Variants in SLC22A9 observed in about 807,000 individuals in gnomAD.
SLC22A9 encodes the protein organic anion transporter 7.
SLC22A9 carries 64 observed loss-of-function variants against 50.1 expected under a neutral mutation model. The observed-to-expected ratio is 1.28, with a 90% CI of 1.04 to 1.57. The LOEUF is 1.57. SLC22A9 is among the 40% of genes most tolerant of loss of function. SLC22A9 has a pLI of 0.00. For missense variants in SLC22A9, 757 were observed against 676.1 expected, an observed-to-expected ratio of 1.12 and a Z score of -1.33; for synonymous variants, 261 against 242.5, an observed-to-expected ratio of 1.08 and a Z score of -0.71.
chr11:63,383,841 G>A (rs1028835259), intron 6 of SLC22A9, among the ~76,000 whole-genome samples: 2 of 152,158 alleles, frequency 1.3e-5, no homozygotes, highest in African/African-American at 4.8e-5. Context: ...ACGAGGTCAA[G>A]AGATAGAGAT....
chr11:63,381,264 T>C (rs4963405), intron 5 of SLC22A9, among the ~76,000 whole-genome samples: 72,269 of 151,890 alleles, frequency 0.48, 18,594 homozygotes, highest in Non-Finnish European at 0.58. Flanking sequence ...CCAGATCACA[T>C]ATAACCCAGA....
At position 63,382,210 on chromosome 11, in the gene SLC22A9, C is replaced by A. The variant is rs764440212; in HGVS notation, c.1006C>A (p.Pro336Thr). 6 of 1,606,336 alleles carry A rather than the reference C, an allele frequency of 3.7e-6. No individual in the cohort carries two copies. In the Admixed American group the frequency reaches 5.1e-5, roughly 14 times the overall value. ...ACTGGAGGCAGCACAAAAAAAAAAACCTTCTCTGTGTGAAATGCTCCACAT... is the reference window on the plus strand; with the variant it reads ...ACTGGAGGCAGCACAAAAAAAAAAAACTTCTCTGTGTGAAATGCTCCACAT... Reference protein sequence around the residue: ...KELEAAQKKKPSLCEMLHMPN... With the variant: ...KELEAAQKKKTSLCEMLHMPN... The change falls in exon 6 of 10, where the codon CCT becomes ACT. Residue 336 changes from proline to threonine, a missense_variant. By Grantham distance (38) the Pro-to-Thr change is conservative (BLOSUM62 -1). Transcript: ENST00000279178.
At chr11:63,392,508 T>G (rs1375594390) in intron 6 of SLC22A9, among the ~76,000 whole-genome samples, 1 of 151,854 alleles carries the variant, frequency 6.6e-6, no homozygotes, top group African/African-American at 2.4e-5. Flanking sequence ...GATAAAAGGT[T>G]TTTTTTTCCC....
At chr11:63,375,110 A>G (rs918272468) in intron 4 of SLC22A9, among the ~76,000 whole-genome samples, 2 of 152,170 alleles carry the variant, frequency 1.3e-5, no homozygotes, top group South Asian at 2.1e-4. Flanking sequence ...TCTTATCTCC[A>G]TAACAGCCCT....
intron 9 of SLC22A9, among the ~76,000 whole-genome samples, chr11:63,409,209 A>G (rs1435324363): frequency 2.6e-5 from 4 of 152,128 alleles, no homozygotes; most frequent in African/African-American, 4.8e-5. Context: ...ATATGCAGAG[A>G]TCCAAACACC....
rs998884005 is a variant in SLC22A9, at chr11:63,399,888, A to T, written c.1074-6609A>T. Among the ~76,000 whole-genome samples the T allele has an allele frequency of 2.0e-5, 3 of 152,106 alleles. No individual in the cohort carries two copies. The East Asian group carries it at 5.8e-4, about 29-fold the overall frequency. Reference sequence around the variant, plus strand: ...TAAAACAATAACAAAAGGAACTTTGAAAAATATACAAATACCTGAAAATTA... The same window carrying T: ...TAAAACAATAACAAAAGGAACTTTGTAAAATATACAAATACCTGAAAATTA... On this transcript the variant is annotated intron_variant, in intron 6 of 9. Transcript: ENST00000279178.
chr11:63,407,797 G>T (rs4963408), intron 7 of SLC22A9, among the ~76,000 whole-genome samples: 2 of 152,162 alleles, frequency 1.3e-5, no homozygotes, highest in Non-Finnish European at 2.9e-5. Flanking sequence ...AGGCAGAGGA[G>T]TCCCTGGACG....
chr11:63,408,358 C>A (rs921302591), intron 8 of SLC22A9, 138 bp downstream of exon 8: 10 of 737,058 alleles, frequency 1.4e-5, no homozygotes, highest in South Asian at 1.8e-5. Flanking sequence ...TAATTATAGA[C>A]CAACTTTATC....
chr11:63,408,823 C>T lies in SLC22A9; in HGVS notation c.1545C>T (p.Leu515=). ...TCATCTCTGGCTTTGCTTTCCTCCT[C>T]CTTCCTGAAACCAGGAACAAGCCTC... ...FPFISGFAFL[L]LPETRNKPLF... The change falls in exon 9 of 10, where the codon CTC becomes CTT. Residue 515 remains leucine, a synonymous_variant. Transcript: ENST00000279178. The T allele has an allele frequency of 6.2e-7, 1 of 1,614,020 alleles. No individual in the cohort carries two copies. The highest frequency in any genetic ancestry group is 8.5e-7 in the Non-Finnish European group (1 of 1,179,924).
chr11:63,385,613 G>T (rs2014651374), intron 6 of SLC22A9, among the ~76,000 whole-genome samples: 1 of 151,950 alleles, frequency 6.6e-6, no homozygotes, highest in Non-Finnish European at 1.5e-5. Flanking sequence ...TTGGTGTATA[G>T]AAATGCTTGT....
At chr11:63,390,925 G>C (rs1264205747) in intron 6 of SLC22A9, among the ~76,000 whole-genome samples, 1 of 151,868 alleles carries the variant, frequency 6.6e-6, no homozygotes, top group African/African-American at 2.4e-5. Flanking sequence ...GTTTCTTTCA[G>C]TTTATTCTAT....
chr11:63,371,545 C>T lies in SLC22A9; in HGVS notation c.506+307C>T, dbSNP rs540005481. 2.1e-4 allele frequency among the ~76,000 whole-genome samples: 32 copies of T among 152,248 alleles called. 1 individual carries two copies. In the South Asian group the frequency reaches 3.9e-3, roughly 19 times the overall value. On this transcript the variant is annotated intron_variant, in intron 2 of 9. Coordinates refer to ENST00000279178, the MANE Select transcript of SLC22A9 (RefSeq NM_080866.3). ...TTAACTAAGGGAATAGAAAGGAAGACGTTTCATCACATAGGATTCAGCCTT... is the reference window on the plus strand; with the variant it reads ...TTAACTAAGGGAATAGAAAGGAAGATGTTTCATCACATAGGATTCAGCCTT...
chr11:63,371,272 G>T (rs1169243711), intron 2 of SLC22A9, 34 bp downstream of exon 2: 1 of 1,465,820 alleles, frequency 6.8e-7, no homozygotes, highest in Non-Finnish European at 9.5e-7. Flanking sequence ...CTCTTTAAGG[G>T]CATTTTTTAT....
rs1461531407 is a variant in SLC22A9, at chr11:63,409,892, G to A, written c.*30G>A. 22 of 1,610,758 alleles carry A rather than the reference G, an allele frequency of 1.4e-5. No homozygotes were observed. Among genetic ancestry groups the A allele is most frequent in the Non-Finnish European group, 1.8e-5 (21 of 1,177,540 alleles). On this transcript the variant is annotated 3_prime_UTR_variant, in exon 10 of 10. Coordinates refer to ENST00000279178, the MANE Select transcript of SLC22A9 (RefSeq NM_080866.3). ...TTCCAGGAGCTGACTGCCGATCAAT[G>A]AGCCAGATGAAGGGAACAATCAGGA...
chr11:63,402,102 G>C (rs2120002740), intron 6 of SLC22A9, among the ~76,000 whole-genome samples: 1 of 152,154 alleles, frequency 6.6e-6, no homozygotes, highest in East Asian at 1.9e-4. Flanking sequence ...CTGTTCAGAA[G>C]CTCCTTGGTT....
intron 6 of SLC22A9, among the ~76,000 whole-genome samples, chr11:63,403,249 T>A (rs2014979769): frequency 6.6e-6 from 1 of 152,098 alleles, no homozygotes; most frequent in Admixed American, 6.6e-5. Flanking sequence ...ACTAAGAGAA[T>A]GTCCTCCATA....
At chr11:63,396,607 TC>T (rs2014862854) in intron 6 of SLC22A9, among the ~76,000 whole-genome samples, 1 of 152,116 alleles carries the variant, frequency 6.6e-6, no homozygotes, top group Non-Finnish European at 1.5e-5. Context: ...CTTTCAGGAA[TC>T]CCGTTTTGTT....
intron 6 of SLC22A9, among the ~76,000 whole-genome samples, chr11:63,402,741 T>C (rs2120005358): frequency 6.6e-6 from 1 of 152,240 alleles, no homozygotes; most frequent in Middle Eastern, 3.4e-3. Context: ...CAATCAGAAC[T>C]TGAACACTAA....
chr11:63,372,365 G>A (rs951688679), intron 2 of SLC22A9, among the ~76,000 whole-genome samples: 3 of 152,028 alleles, frequency 2.0e-5, no homozygotes, highest in African/African-American at 7.2e-5. Flanking sequence ...TAATAAATAA[G>A]CAGATATTCA....
Sources: gnomAD v4.1 joint callset for allele counts (sites outside exome capture counted in the v4.1 genomes callset) on GRCh38, gnomAD v4.1.1 for gene constraint, MANE v1.5 for transcripts, NCBI Gene and HGNC (gene_info 2026-07-23, HGNC 2026-07-21) for gene names.